Variants in ERBB4 observed in about 807,000 individuals in gnomAD.
ERBB4 encodes receptor tyrosine-protein kinase erbB-4.
A neutral mutation model predicts 158.0 loss-of-function variants in ERBB4; 42 were observed. The ratio of observed to expected loss-of-function variants is 0.27; its 90% CI spans 0.21 to 0.34. ERBB4 has a LOEUF of 0.34. ERBB4 is among the 10% of genes least tolerant of loss of function. The pLI is 1.00. For missense variants in ERBB4, 1,333 were observed against 1,624.1 expected, an observed-to-expected ratio of 0.82 and a Z score of 3.08; for synonymous variants, 583 against 558.7, an observed-to-expected ratio of 1.04 and a Z score of -0.61.
chr2:211,879,695 G>C (rs189724449), intron 3 of ERBB4, among the ~76,000 whole-genome samples: 1 of 152,280 alleles, frequency 6.6e-6, no homozygotes, highest in Admixed American at 6.5e-5. Flanking sequence ...CAATGGAACA[G>C]TGTAGTAGTC....
At chr2:212,384,631 GA>G (rs1022022548) in intron 1 of ERBB4, among the ~76,000 whole-genome samples, 3 of 151,478 alleles carry the variant, frequency 2.0e-5, no homozygotes, top group African/African-American at 7.3e-5. Flanking sequence ...CTATTTCAAA[GA>G]GCAATATATG....
chr2:212,398,348 T>C (rs557095338), intron 1 of ERBB4, among the ~76,000 whole-genome samples: 1 of 152,216 alleles, frequency 6.6e-6, no homozygotes, highest in South Asian at 2.1e-4. Context: ...AACCAAACTT[T>C]ATTCAGTGAC....
At chr2:212,054,612 C>T (rs922924139) in intron 2 of ERBB4, among the ~76,000 whole-genome samples, 5 of 152,154 alleles carry the variant, frequency 3.3e-5, no homozygotes, top group African/African-American at 1.2e-4. Context: ...AACTCTTGTG[C>T]TTCCATTTTC....
At chr2:212,283,007 C>A (rs1435460612) in intron 1 of ERBB4, among the ~76,000 whole-genome samples, 1 of 151,866 alleles carries the variant, frequency 6.6e-6, no homozygotes, top group African/African-American at 2.4e-5. Flanking sequence ...CCAAGAGAAA[C>A]TGGGCATTCA....
intron 1 of ERBB4, among the ~76,000 whole-genome samples, chr2:212,396,892 A>T (rs908811447): frequency 1.3e-5 from 2 of 152,158 alleles, no homozygotes; most frequent in African/African-American, 4.8e-5. Context: ...CTACATTTTA[A>T]ACAAATAAGA....
intron 20 of ERBB4, among the ~76,000 whole-genome samples, chr2:211,487,958 A>T: frequency 6.6e-6 from 1 of 152,106 alleles, no homozygotes; most frequent in East Asian, 1.9e-4. Flanking sequence ...AGCCTTCAGT[A>T]ATCGCTATAC....
Position 211,717,875 on chromosome 2 carries a change from G to A in ERBB4, c.884-4227C>T, listed in dbSNP as rs566761968. Among the ~76,000 whole-genome samples, 4 of 152,154 alleles carry A rather than the reference G, an allele frequency of 2.6e-5. No individual in the cohort carries two copies. In the East Asian group the frequency reaches 5.8e-4, roughly 22 times the overall value. ...CCTCATCCTTATATCCTATCTCTTC[G>A]ATTGTTATAATGGCTCTGGAAAGAA... is the stretch of plus-strand genomic sequence containing the variant. On this transcript the variant is annotated intron_variant, in intron 7 of 27. Coordinates refer to ENST00000342788, the MANE Select transcript of ERBB4 (RefSeq NM_005235.3).
intron 1 of ERBB4, among the ~76,000 whole-genome samples, chr2:212,182,290 G>C (rs556650019): frequency 1.3e-5 from 2 of 151,764 alleles, no homozygotes; most frequent in African/African-American, 2.4e-5. Context: ...AATCACTGGG[G>C]ATGGTATTGA....
rs1172789409 is a variant in ERBB4, at chr2:211,434,772, T to A, written c.2488-3672A>T. Among the ~76,000 whole-genome samples the A allele has an allele frequency of 2.0e-5, 3 of 152,186 alleles. No homozygotes were observed. The East Asian group carries it at 5.8e-4, about 29-fold the overall frequency. On this transcript the variant is annotated intron_variant, in intron 20 of 27. Coordinates refer to ENST00000342788, the MANE Select transcript of ERBB4 (RefSeq NM_005235.3). ...AAACTAGGTGACAGTCTCTAGACAG[T>A]TTCCCTCACCCACCTGACCATCACT...
intron 3 of ERBB4, among the ~76,000 whole-genome samples, chr2:211,839,220 AAAGAG>A (rs1444658721): frequency 6.7e-5 from 10 of 149,056 alleles, no homozygotes; most frequent in African/African-American, 2.5e-4. Flanking sequence ...AGAGAGAGAG[AAAGAG>A]AGAAAGAAGA....
At chr2:212,064,611 T>C (rs887142581) in intron 2 of ERBB4, among the ~76,000 whole-genome samples, 1 of 152,102 alleles carries the variant, frequency 6.6e-6, no homozygotes, top group African/African-American at 2.4e-5. Flanking sequence ...TATACCTACA[T>C]ATATGAGTTT....
At chr2:212,386,250 C>A (rs1322411105) in intron 1 of ERBB4, among the ~76,000 whole-genome samples, 1 of 151,988 alleles carries the variant, frequency 6.6e-6, no homozygotes, top group Non-Finnish European at 1.5e-5. Context: ...TGGCCCACAC[C>A]TCTTTCCTAA....
chr2:211,509,755 A>G (rs1408153545), intron 20 of ERBB4, among the ~76,000 whole-genome samples: 1 of 152,152 alleles, frequency 6.6e-6, no homozygotes, highest in Non-Finnish European at 1.5e-5. Flanking sequence ...CAAGAAAAAT[A>G]ACCAAACCCA....
intron 20 of ERBB4, among the ~76,000 whole-genome samples, chr2:211,447,164 G>C (rs982001652): frequency 3.3e-5 from 5 of 152,032 alleles, no homozygotes; most frequent in Non-Finnish European, 7.4e-5. Flanking sequence ...GATCATGTTT[G>C]GCAAAGTTGG....
intron 1 of ERBB4, among the ~76,000 whole-genome samples, chr2:212,286,404 A>T (rs1455604716): frequency 6.6e-6 from 1 of 152,028 alleles, no homozygotes; most frequent in African/African-American, 2.4e-5. Context: ...TACTACCCAT[A>T]ACATTTATAA....
intron 2 of ERBB4, among the ~76,000 whole-genome samples, chr2:211,972,808 G>A (rs942301912): frequency 6.6e-6 from 1 of 152,140 alleles, no homozygotes; most frequent in Non-Finnish European, 1.5e-5. Context: ...AACCCTGGAA[G>A]ACAACCTAGG....
chr2:211,515,905 T>TATATATATATATATATATATATATACAC (rs1559248803), intron 20 of ERBB4, among the ~76,000 whole-genome samples: 1 of 91,100 alleles, frequency 1.1e-5, no homozygotes, highest in African/African-American at 5.7e-5. Flanking sequence ...ATTATATATA[T>TATATATATATATATATATATATATACAC]ATATATATTT....
At chr2:212,092,692 T>A (rs1449022136) in intron 2 of ERBB4, among the ~76,000 whole-genome samples, 1 of 152,218 alleles carries the variant, frequency 6.6e-6, no homozygotes. Flanking sequence ...ATATGTTGAA[T>A]GATGCTTTCT....
intron 2 of ERBB4, among the ~76,000 whole-genome samples, chr2:211,989,708 A>G (rs1352310162): frequency 6.6e-6 from 1 of 151,878 alleles, no homozygotes; most frequent in African/African-American, 2.4e-5. Context: ...CCTGGAAGGG[A>G]TGCAATCTAA....
Sources: gnomAD v4.1 joint callset for allele counts (sites outside exome capture counted in the v4.1 genomes callset) on GRCh38, gnomAD v4.1.1 for gene constraint, MANE v1.5 for transcripts, NCBI Gene and HGNC (gene_info 2026-07-23, HGNC 2026-07-21) for gene names.